The following WBP2NL variants were observed in gnomAD, a reference collection of about 807,000 sequenced individuals.
WBP2NL encodes WBP2 N-terminal like.
A neutral mutation model predicts 23.3 loss-of-function variants in WBP2NL; 27 were observed. That is an observed-to-expected ratio of 1.16 (90% CI 0.85 to 1.60). The LOEUF (loss-of-function observed/expected upper bound fraction) is 1.60. Among genes scored for constraint, WBP2NL ranks in the 40% most tolerant of loss-of-function variants. The probability of loss-of-function intolerance (pLI) is 0.00; values close to 1 mark genes in which losing one functional copy is unlikely to be tolerated. For synonymous variants in WBP2NL, 151 were observed against 145.9 expected (o/e 1.03, Z -0.25); for missense variants, 370 against 389.5 (o/e 0.95, Z 0.42).
intron 1 of WBP2NL, chr22:42,002,037 G>A: frequency 1.9e-6 from 1 of 519,160 alleles, no homozygotes; most frequent in Middle Eastern, 5.2e-4. Context: ...GGGGCTGATT[G>A]TGAAGTCATT....
At chr22:41,998,969 A>G in intron 1 of WBP2NL, 89 bp downstream of exon 1, 3 of 1,449,544 alleles carry the variant, frequency 2.1e-6, no homozygotes, top group South Asian at 1.3e-5. Context: ...CGAGTCAGGG[A>G]CTTTGCCGCC....
At chr22:42,003,718 T>C (rs1011961776) in intron 1 of WBP2NL, among the ~76,000 whole-genome samples, 1 of 152,176 alleles carries the variant, frequency 6.6e-6, no homozygotes, top group African/African-American at 2.4e-5. Flanking sequence ...TTCCAGATTA[T>C]TTTTCCACCA....
intron 5 of WBP2NL, among the ~76,000 whole-genome samples, chr22:42,022,568 T>C (rs533274286): frequency 6.6e-6 from 1 of 152,348 alleles, no homozygotes; most frequent in East Asian, 1.9e-4. Flanking sequence ...CTTTTAATGA[T>C]ATATACAAAC....
At chr22:42,013,784 ATTT>A (rs755939947) in intron 1 of WBP2NL, among the ~76,000 whole-genome samples, 1 of 143,294 alleles carries the variant, frequency 7.0e-6, no homozygotes, top group Non-Finnish European at 1.5e-5. Context: ...TAAATTTTTA[ATTT>A]TTTTTTTTTT....
intron 8 of WBP2NL, among the ~76,000 whole-genome samples, chr22:42,053,582 C>T (rs562354218): frequency 1.5e-4 from 23 of 152,204 alleles, no homozygotes; most frequent in African/African-American, 5.5e-4. Flanking sequence ...GCCTCAGCCT[C>T]ATAAGTAGCT....
chr22:42,003,697 CTA>C (rs1921934052), intron 1 of WBP2NL, among the ~76,000 whole-genome samples: 1 of 152,102 alleles, frequency 6.6e-6, no homozygotes, highest in Admixed American at 6.6e-5. Context: ...TGCGAAAAAA[CTA>C]TGCATGGATT....
downstream of WBP2NL, among the ~76,000 whole-genome samples, chr22:42,035,253 C>G (rs1015248882): frequency 1.3e-5 from 2 of 152,254 alleles, no homozygotes. Flanking sequence ...TTTGGGGTCC[C>G]TGACTTCCCG....
At chr22:42,005,014 C>G (rs571269718) in intron 1 of WBP2NL, among the ~76,000 whole-genome samples, 5 of 150,166 alleles carry the variant, frequency 3.3e-5, no homozygotes, top group Middle Eastern at 3.6e-3. Context: ...GTCAGGAGTT[C>G]GAGACCAGCC....
downstream of WBP2NL, among the ~76,000 whole-genome samples, chr22:42,034,849 C>T (rs8140583): frequency 1.2e-3 from 178 of 152,342 alleles, no homozygotes; most frequent in African/African-American, 4.2e-3. Context: ...TTCTGCCCGG[C>T]TCACCGGTGG....
chr22:42,026,915 C>A lies in WBP2NL; in HGVS notation c.664C>A (p.Leu222Ile). Residue 222 changes from leucine (L) to isoleucine (I), a missense_variant, in exon 6 of 6, where the codon CTT (leucine) becomes ATT (isoleucine). Leu to Ile is a conservative substitution (Grantham distance 5, BLOSUM62 2). Coordinates refer to ENST00000328823, the MANE Select transcript of WBP2NL (RefSeq NM_152613.3). Reference sequence around the variant, plus strand: ...ACCTGTGCGATATGGAGCCCCACCTCTTGGATACGGAGCCCCACCTGCAGG... The same window carrying A: ...ACCTGTGCGATATGGAGCCCCACCTATTGGATACGGAGCCCCACCTGCAGG... Reference protein sequence around the residue: ...ASPVRYGAPPLGYGAPPAGYG... With the variant: ...ASPVRYGAPPIGYGAPPAGYG... The A allele has an allele frequency of 6.2e-7, 1 of 1,611,194 alleles. No homozygotes were observed. Among genetic ancestry groups the A allele is most frequent in the Non-Finnish European group, 8.5e-7 (1 of 1,179,264 alleles).
downstream of WBP2NL, chr22:42,028,492 A>C (rs1924702681): frequency 6.5e-6 from 1 of 154,740 alleles, no homozygotes; most frequent in African/African-American, 2.4e-5. Flanking sequence ...GTGTTTTAAT[A>C]TATAAATGCT....
intron 8 of WBP2NL, among the ~76,000 whole-genome samples, chr22:42,049,695 C>CAAAAAAAAAAAAAA: frequency 4.4e-5 from 1 of 22,878 alleles, no homozygotes; most frequent in Non-Finnish European, 7.4e-5. Context: ...GTCTCCAAAA[C>CAAAAAAAAAAAAAA]AAAACAAAAC....
At chr22:42,053,450 CTCTTTTTCTTTT>C (rs200993535) in intron 8 of WBP2NL, among the ~76,000 whole-genome samples, 6 of 151,242 alleles carry the variant, frequency 4.0e-5, no homozygotes, top group Non-Finnish European at 8.8e-5. Context: ...TTTTTTTTTC[CTCTTTTTCTTTT>C]TCTTTTTCTT....
chr22:42,000,121 G>T (rs1420887769), intron 1 of WBP2NL, among the ~76,000 whole-genome samples: 2 of 152,198 alleles, frequency 1.3e-5, no homozygotes, highest in African/African-American at 4.8e-5. Flanking sequence ...CAAGCTGGAT[G>T]ATGTGCTTGG....
downstream of WBP2NL, chr22:42,031,708 T>G (rs974846441): frequency 3.2e-4 from 49 of 152,058 alleles, no homozygotes; most frequent in African/African-American, 1.2e-3. Flanking sequence ...TGTTTTTTTT[T>G]TTTTCAAGAT....
rs1404270636 is a variant in WBP2NL at position 42,044,567 on chromosome 22, C to T, written c.*274-13723C>T. ...CCTGTAATCCCAGCATTTTGGGAAG[C>T]CAAGGCAGAAGGATTGCTTAAGCCC... On this transcript the variant is annotated intron_variant and NMD_transcript_variant, in intron 8 of 8. Transcript: ENST00000436265. Among the ~76,000 whole-genome samples, 3 of 152,186 alleles carry T rather than the reference C, an allele frequency of 2.0e-5. No individual in the cohort carries two copies. In the South Asian group the frequency reaches 6.2e-4, roughly 32 times the overall value.
chr22:42,022,259 AT>A lies in WBP2NL; in HGVS notation c.420del (p.Pro141HisfsTer5). 6.2e-7 allele frequency: 1 copy of A among 1,614,172 alleles called. No individual in the cohort carries two copies. The highest frequency in any genetic ancestry group is 8.5e-7 in the Non-Finnish European group (1 of 1,180,014). On this transcript the variant is annotated frameshift_variant, in exon 5 of 6. Transcript: ENST00000328823. LOFTEE classifies it high-confidence loss of function. ...VKAASAAARG[F>X]PLRTLNDWFS... ...AATTTGTCTTTCCAGCTGCCCGAGG[AT>A]TTCCACTTAGAACCTTAAATGACTG...
chr22:42,040,229 T>TC (rs570849045), intron 8 of WBP2NL, among the ~76,000 whole-genome samples: 12 of 141,236 alleles, frequency 8.5e-5, no homozygotes, highest in Non-Finnish European at 1.9e-4. Context: ...TCTCTCTCTC[T>TC]TTTTTTTTTT....
chr22:42,051,465 A>T (rs1925835610), intron 8 of WBP2NL, among the ~76,000 whole-genome samples: 1 of 152,380 alleles, frequency 6.6e-6, no homozygotes, highest in South Asian at 2.1e-4. Context: ...CAGTGAATGT[A>T]CAGCATAAAG....
Sources: allele counts gnomAD v4.1 joint callset (sites outside exome capture counted in the v4.1 genomes callset), GRCh38; gene constraint gnomAD v4.1.1; transcripts MANE v1.5; gene names NCBI Gene and HGNC (gene_info 2026-07-23, HGNC 2026-07-21).